Variants in BBS2 observed in about 807,000 individuals in gnomAD.
BBS2 encodes BBSome complex member BBS2.
BBS2 carries 62 observed loss-of-function variants against 83.0 expected under a neutral mutation model. The observed-to-expected ratio is 0.75, with a 90% CI of 0.61 to 0.92. BBS2 has a LOEUF of 0.92. Among genes scored for constraint, BBS2 ranks in the 40% least tolerant of loss-of-function variants. The pLI, the probability that BBS2 is intolerant of heterozygous loss-of-function variation, is 0.00. For missense variants in BBS2, 784 were observed against 901.0 expected (o/e 0.87, Z 1.66); for synonymous variants, 303 against 326.1 (o/e 0.93, Z 0.76).
At chr16:56,503,120 G>GCATT (rs1254639328) in intron 7 of BBS2, among the ~76,000 whole-genome samples, 4 of 152,156 alleles carry the variant, frequency 2.6e-5, no homozygotes, top group Non-Finnish European at 5.9e-5. Flanking sequence ...GTGCAAAAGG[G>GCATT]CATGGGCTTA....
chr16:56,491,259 T>C (rs1361154221), intron 15 of BBS2, among the ~76,000 whole-genome samples: 1 of 151,508 alleles, frequency 6.6e-6, no homozygotes, highest in Non-Finnish European at 1.5e-5. Context: ...TAGTAGGGAG[T>C]GTTTGGGTCA....
At chr16:56,510,790 C>A in intron 4 of BBS2, 69 bp downstream of exon 4, 1 of 1,532,470 alleles carries the variant, frequency 6.5e-7, no homozygotes, top group South Asian at 1.1e-5. Flanking sequence ...TCTGTCAACA[C>A]TAATGTCACT....
intron 16 of BBS2, among the ~76,000 whole-genome samples, chr16:56,485,334 ATAG>A (rs1349291767): frequency 6.6e-6 from 1 of 152,072 alleles, no homozygotes. Context: ...TGGGTTATAT[ATAG>A]TAGGTTTTTC....
downstream of BBS2, among the ~76,000 whole-genome samples, chr16:56,480,352 C>CAAAAAAAAAAAAAAAAAAAAAAAAAAA (rs1286219655): frequency 5.0e-4 from 38 of 76,528 alleles, no homozygotes; most frequent in Non-Finnish European, 6.1e-4. Context: ...CACACACACA[C>CAAAAAAAAAAAAAAAAAAAAAAAAAAA]AAAAAAAAAA....
At chr16:56,475,922 A>T in intron 17 of BBS2, 1 of 861,834 alleles carries the variant, frequency 1.2e-6, no homozygotes, top group South Asian at 1.8e-5. Flanking sequence ...GTGTTCATTC[A>T]GAGGACCCCT....
intron 17 of BBS2, chr16:56,476,618 T>G (rs898387838): frequency 3.2e-5 from 5 of 153,912 alleles, no homozygotes; most frequent in Admixed American, 6.5e-5. Flanking sequence ...CCAGAAGTTT[T>G]CCATCTTCCC....
chr16:56,514,451 G>A lies in BBS2; in HGVS notation c.345+2C>T, dbSNP rs1320653044. ...TTTTATGGTTATAAAGGTTATACTTGCCTCTCTGTAGAACAAATCCGAATT... is the reference window on the plus strand; with the variant it reads ...TTTTATGGTTATAAAGGTTATACTTACCTCTCTGTAGAACAAATCCGAATT... On this transcript the variant is annotated splice_donor_variant, in intron 2 of 16. Transcript: ENST00000245157. LOFTEE classifies it low-confidence loss of function (GC_TO_GT_DONOR). The A allele has an allele frequency of 2.5e-6, 4 of 1,612,392 alleles. No individual in the cohort carries two copies. The highest frequency in any genetic ancestry group is 8.5e-7 in the Non-Finnish European group (1 of 1,178,598).
intron 14 of BBS2, chr16:56,497,501 T>C (rs1964147372): frequency 5.3e-6 from 3 of 564,478 alleles, no homozygotes; most frequent in East Asian, 6.2e-5. Flanking sequence ...AAAATGTTAA[T>C]ATTTAAATGC....
chr16:56,475,078 C>A, intron 17 of BBS2: 1 of 946,108 alleles, frequency 1.1e-6, no homozygotes, highest in Non-Finnish European at 1.6e-6. Flanking sequence ...CATGGGATCT[C>A]AAAGTCAAAG....
intron 1 of BBS2, among the ~76,000 whole-genome samples, chr16:56,519,290 C>G (rs1364242354): frequency 6.8e-6 from 1 of 147,016 alleles, no homozygotes; most frequent in African/African-American, 2.5e-5. Flanking sequence ...GAGATTGCGC[C>G]ACTGCACTCC....
chr16:56,505,457 G>A (rs1190827248), intron 7 of BBS2, among the ~76,000 whole-genome samples: 1 of 152,184 alleles, frequency 6.6e-6, no homozygotes, highest in African/African-American at 2.4e-5. Flanking sequence ...ATCCTGACTT[G>A]CCAAAAGACT....
chr16:56,497,957 C>T (rs1964160239), intron 13 of BBS2, 77 bp from the exon 14 acceptor site: 1 of 1,491,746 alleles, frequency 6.7e-7, no homozygotes, highest in Non-Finnish European at 9.2e-7. Flanking sequence ...CCTGAATTTC[C>T]CCATACTCAA....
intron 9 of BBS2, 48 bp downstream of exon 9, chr16:56,502,269 T>C: frequency 6.2e-7 from 1 of 1,613,652 alleles, no homozygotes; most frequent in Non-Finnish European, 8.5e-7. Context: ...CCGGTCAGTC[T>C]CAACATTTCA....
chr16:56,496,415 T>C (rs926022468), intron 15 of BBS2, among the ~76,000 whole-genome samples: 1 of 152,232 alleles, frequency 6.6e-6, no homozygotes, highest in Non-Finnish European at 1.5e-5. Flanking sequence ...CTATCTTATA[T>C]GATAATCTCT....
At chr16:56,491,649 A>G (rs1241025962) in intron 15 of BBS2, among the ~76,000 whole-genome samples, 4 of 150,896 alleles carry the variant, frequency 2.7e-5, no homozygotes, top group African/African-American at 9.7e-5. Flanking sequence ...CAAAAAAGAA[A>G]TGGAAATGGC....
chr16:56,474,914 T>C (rs1373316141), intron 17 of BBS2: 1 of 1,613,852 alleles, frequency 6.2e-7, no homozygotes, highest in Non-Finnish European at 8.5e-7. Context: ...CAAGGCTGAA[T>C]TTGCCCTAGA....
Position 56,497,061 on chromosome 16 carries a change from C to G in BBS2, c.1816G>C (p.Val606Leu). Residue 606 changes from valine to leucine, a missense_variant, in exon 15 of 17, where the codon GTG (valine) becomes CTG (leucine). Val to Leu is a conservative substitution (Grantham distance 32, BLOSUM62 1). Transcript: ENST00000245157. ...VLVKVDEYHS[V>L]HQKLSADMAD... The stretch of plus-strand genomic sequence containing the variant: ...ATATCAGCACTGAGCTTCTGATGCA[C>G]TGAATGATATTCATCCACCTGGAGA... The G allele has an allele frequency of 6.2e-7, 1 of 1,613,166 alleles. No homozygotes were observed. The highest frequency in any genetic ancestry group is 8.5e-7 in the Non-Finnish European group (1 of 1,179,130).
downstream of BBS2, among the ~76,000 whole-genome samples, chr16:56,481,740 C>T (rs1442802559): frequency 6.6e-6 from 1 of 152,208 alleles, no homozygotes; most frequent in Non-Finnish European, 1.5e-5. Flanking sequence ...TTTTTCCTCA[C>T]TCCTAAGCTG....
intron 17 of BBS2, chr16:56,477,365 A>T (rs151187667): frequency 6.6e-6 from 1 of 152,268 alleles, no homozygotes; most frequent in East Asian, 1.9e-4. Context: ...GCCTACCATC[A>T]CATGCCCCAA....
Sources: gnomAD v4.1 joint callset for allele counts (sites outside exome capture counted in the v4.1 genomes callset) on GRCh38, gnomAD v4.1.1 for gene constraint, MANE v1.5 for transcripts, NCBI Gene and HGNC (gene_info 2026-07-23, HGNC 2026-07-21) for gene names.